The following ERN1 variants were observed in gnomAD, a reference collection of about 807,000 sequenced individuals.
ERN1 encodes the protein serine/threonine-protein kinase/endoribonuclease IRE1.
Under a neutral mutation model 113.1 loss-of-function variants are expected in ERN1, and 39 were observed. That is an observed-to-expected ratio of 0.34 (90% CI 0.27 to 0.45). The LOEUF is 0.45. ERN1 is among the 20% of genes least tolerant of loss of function. The pLI, the probability that ERN1 is intolerant of heterozygous loss-of-function variation, is 1.00. For missense variants in ERN1, 976 were observed against 1,274.8 expected (o/e 0.77, Z 3.57); for synonymous variants, 507 against 515.9 (o/e 0.98, Z 0.23).
intron 7 of ERN1, among the ~76,000 whole-genome samples, chr17:64,067,621 CA>C (rs1913276540): frequency 1.3e-5 from 2 of 149,812 alleles, no homozygotes; most frequent in African/African-American, 4.9e-5. Flanking sequence ...AAAAAAACAA[CA>C]AAAAAACACC....
intron 2 of ERN1, among the ~76,000 whole-genome samples, chr17:64,091,649 G>T (rs1221779419): frequency 1.3e-5 from 2 of 152,194 alleles, no homozygotes; most frequent in Middle Eastern, 3.2e-3. Flanking sequence ...TAACATTGCA[G>T]GCTGCTGGTA....
Position 64,054,639 on chromosome 17 carries a change from C to A in ERN1, c.1763+99G>T, listed in dbSNP as rs972648387. The stretch of plus-strand genomic sequence containing the variant: ...CGGACTCCATGCGTCTAGGTCACTG[C>A]TTTGACCCTGCTGTGCTCTGAGCCT... On this transcript the variant is annotated intron_variant, in intron 14 of 21. Transcript: ENST00000433197. This position sits in a 1 kb window ranked among gnomAD's most constrained non-coding sequence, Gnocchi z 4.9. 111 of 1,080,064 alleles carry A rather than the reference C, an allele frequency of 1.0e-4. No homozygotes were observed. The African/African-American group carries it at 1.7e-3, about 16-fold the overall frequency. The allele number at this position is 1,080,064 out of a possible 1,614,324, so 66.9% of individuals were successfully genotyped here.
chr17:64,078,360 C>T (rs564160654), intron 4 of ERN1, among the ~76,000 whole-genome samples: 186 of 152,118 alleles, frequency 1.2e-3, no homozygotes, highest in Non-Finnish European at 2.0e-3. Context: ...CTTTTTTTAA[C>T]GTACCATAGG....
At chr17:64,107,651 C>T (rs896965428) in intron 1 of ERN1, among the ~76,000 whole-genome samples, 9 of 152,080 alleles carry the variant, frequency 5.9e-5, no homozygotes, top group Non-Finnish European at 1.3e-4. Context: ...AACCCTGTTC[C>T]CTGACCCTCA....
At chr17:64,080,128 G>A (rs1913721964) in intron 3 of ERN1, among the ~76,000 whole-genome samples, 1 of 152,188 alleles carries the variant, frequency 6.6e-6, no homozygotes, top group Admixed American at 6.5e-5. Flanking sequence ...AGGATGGCAT[G>A]GTACATAAAC....
At chr17:64,102,455 C>G (rs1481751185) in intron 1 of ERN1, among the ~76,000 whole-genome samples, 1 of 152,204 alleles carries the variant, frequency 6.6e-6, no homozygotes, top group Non-Finnish European at 1.5e-5. Flanking sequence ...TCTCAAGGCT[C>G]TCAACTGTAC....
chr17:64,067,316 G>A (rs1394780381), intron 7 of ERN1, among the ~76,000 whole-genome samples: 1 of 151,568 alleles, frequency 6.6e-6, no homozygotes, highest in Non-Finnish European at 1.5e-5. Context: ...AGGGACAGCT[G>A]TGGTGGCTCA....
At chr17:64,086,922 G>T (rs1458295362) in intron 2 of ERN1, among the ~76,000 whole-genome samples, 2 of 152,010 alleles carry the variant, frequency 1.3e-5, no homozygotes, top group Non-Finnish European at 2.9e-5. Flanking sequence ...GGGATTATAG[G>T]TGTGTGCCCA....
rs528634804 is a variant in ERN1 at position 64,094,478 on chromosome 17, T to G, written c.175+3643A>C. ...TTACTGACTATAAATTTTGTTTCAG[T>G]AAGCAACTTTATAGTACATGTGAAG... On this transcript the variant is annotated intron_variant, in intron 2 of 21. Coordinates refer to ENST00000433197, the MANE Select transcript of ERN1 (RefSeq NM_001433.5). 1.6e-4 allele frequency among the ~76,000 whole-genome samples: 24 copies of G among 152,344 alleles called. No individual in the cohort carries two copies. The South Asian group carries it at 4.8e-3, about 30-fold the overall frequency.
At chr17:64,128,766 C>T (rs977802366) in intron 1 of ERN1, 1 of 151,740 alleles carries the variant, frequency 6.6e-6, no homozygotes, top group African/African-American at 2.4e-5. Context: ...TATAAAGAGT[C>T]TACAAATTTT....
At chr17:64,070,988 C>A (rs1019276638) in intron 6 of ERN1, among the ~76,000 whole-genome samples, 3 of 152,154 alleles carry the variant, frequency 2.0e-5, no homozygotes, top group Non-Finnish European at 4.4e-5. Flanking sequence ...AAAGTCGTAC[C>A]CTCAGGGAAC....
At chr17:64,117,490 G>T (rs1277139810) in intron 1 of ERN1, among the ~76,000 whole-genome samples, 1 of 152,006 alleles carries the variant, frequency 6.6e-6, no homozygotes, top group Non-Finnish European at 1.5e-5. Context: ...GAAATAGAAA[G>T]TAAAGAAAAA....
intron 1 of ERN1, chr17:64,098,617 A>C (rs1488523069): frequency 3.8e-6 from 2 of 530,190 alleles, no homozygotes; most frequent in Non-Finnish European, 3.7e-6. Context: ...ATAAAAAAGA[A>C]TGCCAATACC....
At chr17:64,100,588 T>A in intron 1 of ERN1, among the ~76,000 whole-genome samples, 1 of 151,930 alleles carries the variant, frequency 6.6e-6, no homozygotes, top group Non-Finnish European at 1.5e-5. Flanking sequence ...CTGGCCAACA[T>A]GGTGAAAACC....
In ERN1 at chr17:64,040,168, A is replaced by G. The variant is rs115452605; in HGVS notation, c.*3820T>C. ...AAAAGAAACACTGGGAAATTCAAAG[A>G]AAGGCAATCTCAGACACTAAAAGAG... is the stretch of plus-strand genomic sequence containing the variant. On this transcript the variant is annotated 3_prime_UTR_variant, in exon 22 of 22. Coordinates refer to ENST00000433197, the MANE Select transcript of ERN1 (RefSeq NM_001433.5). 0.018 allele frequency: 2,702 copies of G among 152,434 alleles called. 71 individuals are homozygous for G. The highest frequency in any genetic ancestry group is 0.061 in the African/African-American group (2,550 of 41,558). The allele number at this position is 152,434 out of a possible 1,614,324, so 9.4% of individuals were successfully genotyped here.
intron 1 of ERN1, chr17:64,102,973 A>T: frequency 1.0e-6 from 1 of 985,228 alleles, no homozygotes; most frequent in Non-Finnish European, 1.2e-6. Context: ...GTAACTGTGG[A>T]GGGTGGGAAG....
intron 1 of ERN1, among the ~76,000 whole-genome samples, chr17:64,113,934 G>A (rs578029668): frequency 1.3e-5 from 2 of 151,764 alleles, no homozygotes; most frequent in African/African-American, 2.4e-5. Flanking sequence ...CACCCACCTC[G>A]GCCTCCCAAA....
intron 19 of ERN1, 60 bp from the exon 20 acceptor site, chr17:64,045,542 G>A (rs1414498823): frequency 3.7e-6 from 6 of 1,608,418 alleles, no homozygotes; most frequent in Non-Finnish European, 4.3e-6. Context: ...AGAGCTGTGC[G>A]ACTGGGACTC....
At chr17:64,090,278 C>T (rs74780590) in intron 2 of ERN1, among the ~76,000 whole-genome samples, 4,212 of 152,264 alleles carry the variant, frequency 0.028, 84 homozygotes, top group Non-Finnish European at 0.043. Flanking sequence ...CCATAAGTCA[C>T]GAAGTGTCAC....
Sources: gnomAD v4.1 joint callset for allele counts (sites outside exome capture counted in the v4.1 genomes callset) on GRCh38, gnomAD v4.1.1 for gene constraint, Gnocchi (gnomAD v3.1) non-coding constraint, MANE v1.5 for transcripts, NCBI Gene and HGNC (gene_info 2026-07-23, HGNC 2026-07-21) for gene names.